Variants in MREG observed in about 807,000 individuals in gnomAD.
MREG encodes melanoregulin.
MREG carries 31 observed loss-of-function variants against 28.5 expected under a neutral mutation model. That is an observed-to-expected ratio of 1.09 (90% confidence interval 0.82 to 1.47). The LOEUF is 1.47. Ranked by LOEUF, MREG falls within the 40% of genes most tolerant of loss-of-function variation. The probability of loss-of-function intolerance (pLI) is 0.00; values close to 1 mark genes in which losing one functional copy is unlikely to be tolerated. For missense variants in MREG, 256 were observed against 257.4 expected (o/e 0.99, Z 0.04); for synonymous variants, 106 against 95.2 (o/e 1.11, Z -0.66).
intron 1 of MREG, among the ~76,000 whole-genome samples, chr2:216,012,360 A>G (rs1358756611): frequency 6.6e-6 from 1 of 152,194 alleles, no homozygotes; most frequent in Non-Finnish European, 1.5e-5. Flanking sequence ...TAGAGTAAGA[A>G]AAGGTAAATC....
At chr2:216,015,122 T>TGTGTGTGCGCGCGTGCGTGTGCGCGC (rs1553556727), upstream of MREG, among the ~76,000 whole-genome samples, 5 of 52,526 alleles carry the variant, frequency 9.5e-5, no homozygotes, top group South Asian at 5.1e-4. Context: ...TGTGCACGCG[T>TGTGTGTGCGCGCGTGCGTGTGCGCGC]GTGTGTGCGC....
At chr2:215,978,733 T>A (rs1214770597) in intron 2 of MREG, among the ~76,000 whole-genome samples, 3 of 152,122 alleles carry the variant, frequency 2.0e-5, no homozygotes, top group Non-Finnish European at 4.4e-5. Flanking sequence ...TTCAGCATAC[T>A]CAAATCAATA....
intron 1 of MREG, among the ~76,000 whole-genome samples, chr2:216,027,652 C>T (rs1015418604): frequency 1.5e-4 from 23 of 152,268 alleles, no homozygotes; most frequent in African/African-American, 5.5e-4. Context: ...AAGATCACAC[C>T]ACTGCATTCC....
At chr2:216,020,506 T>C (rs1057269665) in intron 1 of MREG, among the ~76,000 whole-genome samples, 6 of 152,206 alleles carry the variant, frequency 3.9e-5, no homozygotes, top group African/African-American at 1.4e-4. Flanking sequence ...AACCAATTGC[T>C]GTGCTCGGAG....
chr2:215,964,852 T>C (rs1440307388), intron 2 of MREG, among the ~76,000 whole-genome samples: 1 of 134,436 alleles, frequency 7.4e-6, no homozygotes, highest in African/African-American at 3.0e-5. Context: ...GATAGATAGA[T>C]AGATAGATAG....
intron 1 of MREG, among the ~76,000 whole-genome samples, chr2:216,007,632 G>A (rs1311550140): frequency 3.3e-5 from 5 of 151,882 alleles, no homozygotes; most frequent in South Asian, 2.1e-4. Flanking sequence ...GTTTCACCAC[G>A]TTGGCCAGGC....
At chr2:216,002,157 T>A (rs1235343713) in intron 1 of MREG, among the ~76,000 whole-genome samples, 1 of 152,224 alleles carries the variant, frequency 6.6e-6, no homozygotes, top group African/African-American at 2.4e-5. Flanking sequence ...GTGGCTCTGA[T>A]ATTACACACT....
At chr2:215,945,443 A>G (rs1692294247) in intron 4 of MREG, 128 bp downstream of exon 4, 1 of 1,146,692 alleles carries the variant, frequency 8.7e-7, no homozygotes, top group Non-Finnish European at 1.2e-6. Flanking sequence ...CACAGCATAT[A>G]ATGCCAGCAT....
intron 2 of MREG, among the ~76,000 whole-genome samples, chr2:215,970,473 C>G (rs1174550700): frequency 6.6e-6 from 1 of 152,186 alleles, no homozygotes; most frequent in Non-Finnish European, 1.5e-5. Context: ...CAAGATGAAT[C>G]AAATAAACAG....
At chr2:215,949,900 T>C (rs1692441415) in intron 2 of MREG, among the ~76,000 whole-genome samples, 1 of 152,266 alleles carries the variant, frequency 6.6e-6, no homozygotes, top group Non-Finnish European at 1.5e-5. Context: ...TCCTGTCTTA[T>C]TCTAGTTTAT....
At chr2:215,941,116 A>AATT (rs1692191994), downstream of MREG, among the ~76,000 whole-genome samples, 1 of 152,130 alleles carries the variant, frequency 6.6e-6, no homozygotes, top group Non-Finnish European at 1.5e-5. Flanking sequence ...TGGTGAATTA[A>AATT]ATGGAATTAT....
At chr2:216,013,689 T>C (rs530810115), upstream of MREG, 4 of 141,238 alleles carry the variant, frequency 2.8e-5, no homozygotes, top group African/African-American at 1.0e-4. Context: ...CACCGGAGGC[T>C]GGCAGCCGGG....
chr2:215,959,216 A>G (rs1454205457), intron 2 of MREG, among the ~76,000 whole-genome samples: 1 of 151,436 alleles, frequency 6.6e-6, no homozygotes, highest in Non-Finnish European at 1.5e-5. Flanking sequence ...CTCTCTAGTG[A>G]CTCCTAAGTC....
At chr2:215,958,262 TAAAATA>T (rs1321286534) in intron 2 of MREG, among the ~76,000 whole-genome samples, 1 of 149,338 alleles carries the variant, frequency 6.7e-6, no homozygotes, top group Non-Finnish European at 1.5e-5. Flanking sequence ...ATAATAATAA[TAAAATA>T]AAAATAAATA....
intron 2 of MREG, among the ~76,000 whole-genome samples, chr2:215,987,307 G>A (rs1002084931): frequency 2.7e-4 from 38 of 142,402 alleles, no homozygotes; most frequent in African/African-American, 9.6e-4. Flanking sequence ...GTGCAGTGGC[G>A]TGATCTTGGC....
intron 2 of MREG, among the ~76,000 whole-genome samples, chr2:215,953,618 G>C (rs1692541950): frequency 6.6e-6 from 1 of 152,224 alleles, no homozygotes; most frequent in Non-Finnish European, 1.5e-5. Context: ...AGCCTGAGAA[G>C]AGCCAGATTA....
intron 1 of MREG, among the ~76,000 whole-genome samples, chr2:216,003,457 G>A (rs1210987857): frequency 6.6e-6 from 1 of 152,172 alleles, no homozygotes; most frequent in Admixed American, 6.5e-5. Context: ...GGGCTCAGGA[G>A]GAAGACCCAG....
intron 1 of MREG, among the ~76,000 whole-genome samples, chr2:216,001,839 T>C (rs1694020680): frequency 6.6e-6 from 1 of 152,018 alleles, no homozygotes; most frequent in African/African-American, 2.4e-5. Context: ...ACAGAGAAAC[T>C]AGAACAGAGA....
intron 1 of MREG, 40 bp from the exon 2 acceptor site, chr2:215,996,505 T>C (rs778814441): frequency 1.9e-5 from 29 of 1,500,988 alleles, no homozygotes; most frequent in Non-Finnish European, 2.4e-5. Context: ...TTTTATAATA[T>C]ACATAAAATG....
Sources: allele counts gnomAD v4.1 joint callset (sites outside exome capture counted in the v4.1 genomes callset), GRCh38; gene constraint gnomAD v4.1.1; transcripts MANE v1.5; gene names NCBI Gene and HGNC (gene_info 2026-07-23, HGNC 2026-07-21).